WWOX: variants seen among roughly 807,000 people sequenced by gnomAD.
WWOX encodes the protein WW domain-containing oxidoreductase.
In WWOX, 69 loss-of-function variants were observed where a neutral mutation model predicts 46.2. The ratio of observed to expected loss-of-function variants is 1.49; its 90% CI spans 1.23 to 1.82. The LOEUF (loss-of-function observed/expected upper bound fraction) is 1.82. Ranked by LOEUF, WWOX falls within the 40% of genes most tolerant of loss-of-function variation. The probability of loss-of-function intolerance (pLI) is 0.00; values close to 1 mark genes in which losing one functional copy is unlikely to be tolerated. For missense variants in WWOX, 919 were observed against 542.6 expected, an observed-to-expected ratio of 1.69 and a Z score of -6.89; for synonymous variants, 359 against 202.6, an observed-to-expected ratio of 1.77 and a Z score of -6.56.
chr16:78,437,743 G>A (rs1178202572), intron 8 of WWOX, among the ~76,000 whole-genome samples: 1 of 152,168 alleles, frequency 6.6e-6, no homozygotes, highest in African/African-American at 2.4e-5. Flanking sequence ...ACTTCAAATA[G>A]CTGCTTCTAA....
chr16:78,898,861 A>AT (rs1057280360), intron 8 of WWOX: 5 of 152,016 alleles, frequency 3.3e-5, no homozygotes, highest in East Asian at 1.9e-4. Flanking sequence ...TACACATTTG[A>AT]TTTTTTTATG....
chr16:78,567,552 CAAAAAA>C (rs71272440), intron 8 of WWOX, among the ~76,000 whole-genome samples: 36 of 52,136 alleles, frequency 6.9e-4, no homozygotes, highest in African/African-American at 2.7e-3. Context: ...GACTCCGTCT[CAAAAAA>C]AAAAAAAAAA....
intron 5 of WWOX, among the ~76,000 whole-genome samples, chr16:78,351,489 G>A (rs1403062246): frequency 6.6e-6 from 1 of 152,168 alleles, no homozygotes; most frequent in African/African-American, 2.4e-5. Context: ...GTGGGGCAGA[G>A]GGGTGGTCTG....
intron 8 of WWOX, among the ~76,000 whole-genome samples, chr16:79,068,649 A>G (rs932911812): frequency 4.0e-5 from 6 of 151,202 alleles, no homozygotes; most frequent in African/African-American, 1.5e-4. Context: ...AACAACAACA[A>G]CAAAAAAAAA....
intron 8 of WWOX, among the ~76,000 whole-genome samples, chr16:79,025,645 T>C (rs114610387): frequency 0.012 from 1,758 of 152,212 alleles, 45 homozygotes; most frequent in African/African-American, 0.041. Context: ...ACTTCTGGCC[T>C]CCAGAATACT....
intron 8 of WWOX, among the ~76,000 whole-genome samples, chr16:78,606,641 G>A (rs988548968): frequency 1.3e-5 from 2 of 150,722 alleles, no homozygotes; most frequent in African/African-American, 2.4e-5. Context: ...ACACGAAGTT[G>A]AATATGTGAA....
intron 6 of WWOX, among the ~76,000 whole-genome samples, chr16:78,424,069 G>C (rs1274836099): frequency 7.7e-6 from 1 of 129,044 alleles, no homozygotes; most frequent in South Asian, 2.6e-4. Context: ...CAGTTGTTTT[G>C]TTTTTTCTTT....
intron 5 of WWOX, among the ~76,000 whole-genome samples, chr16:78,351,071 T>C (rs1010380817): frequency 6.6e-6 from 1 of 152,242 alleles, no homozygotes; most frequent in Non-Finnish European, 1.5e-5. Context: ...TCTCTTCATA[T>C]GATTATTGGA....
At chr16:78,465,623 G>A (rs1467885467) in intron 8 of WWOX, among the ~76,000 whole-genome samples, 1 of 152,198 alleles carries the variant, frequency 6.6e-6, no homozygotes, top group Non-Finnish European at 1.5e-5. Flanking sequence ...TCAGGAATGT[G>A]TTCATATTTT....
intron 8 of WWOX, among the ~76,000 whole-genome samples, chr16:78,595,082 T>G (rs1051275332): frequency 6.6e-6 from 1 of 152,154 alleles, no homozygotes; most frequent in Admixed American, 6.5e-5. Flanking sequence ...GAAGCTGCCA[T>G]GCGCATGAGG....
chr16:78,445,986 G>C (rs2083551926), intron 8 of WWOX, among the ~76,000 whole-genome samples: 1 of 152,206 alleles, frequency 6.6e-6, no homozygotes, highest in African/African-American at 2.4e-5. Flanking sequence ...GTGGAATTTG[G>C]CTGAAATAGT....
At chr16:78,710,273 C>A (rs879025864) in intron 8 of WWOX, among the ~76,000 whole-genome samples, 1 of 151,444 alleles carries the variant, frequency 6.6e-6, no homozygotes, top group Admixed American at 6.6e-5. Flanking sequence ...TTACTTTCCA[C>A]ACACAGTTAA....
intron 8 of WWOX, among the ~76,000 whole-genome samples, chr16:78,615,254 C>T (rs1340608903): frequency 6.6e-6 from 1 of 152,118 alleles, no homozygotes; most frequent in Non-Finnish European, 1.5e-5. Flanking sequence ...AATGGGAGAT[C>T]CTAAGTTTCA....
At chr16:78,659,186 G>C (rs557113902) in intron 8 of WWOX, among the ~76,000 whole-genome samples, 1 of 151,970 alleles carries the variant, frequency 6.6e-6, no homozygotes, top group Non-Finnish European at 1.5e-5. Flanking sequence ...GTATGAGCAC[G>C]TGGTATTCTT....
chr16:78,541,284 C>A (rs1396911962), intron 8 of WWOX, among the ~76,000 whole-genome samples: 2 of 151,290 alleles, frequency 1.3e-5, no homozygotes, highest in East Asian at 2.0e-4. Flanking sequence ...ACCATCCCGG[C>A]TAAAACGGTG....
At chr16:78,145,186 G>T (rs2034156068) in intron 4 of WWOX, among the ~76,000 whole-genome samples, 1 of 152,190 alleles carries the variant, frequency 6.6e-6, no homozygotes, top group South Asian at 2.1e-4. Flanking sequence ...TTGGCTTGTA[G>T]ATGAGTGTAT....
chr16:79,121,189 C>T (rs1226566948), intron 8 of WWOX, among the ~76,000 whole-genome samples: 1 of 152,178 alleles, frequency 6.6e-6, no homozygotes, highest in Non-Finnish European at 1.5e-5. Context: ...CAAATAGAGT[C>T]ACAGTTACAG....
chr16:78,562,715 C>T (rs2044468305), intron 8 of WWOX, among the ~76,000 whole-genome samples: 2 of 152,150 alleles, frequency 1.3e-5, no homozygotes, highest in Non-Finnish European at 2.9e-5. Flanking sequence ...CTGATCGCTC[C>T]CCTGAATGGA....
chr16:78,642,952 C>A (rs962966839), intron 8 of WWOX, among the ~76,000 whole-genome samples: 1 of 152,136 alleles, frequency 6.6e-6, no homozygotes, highest in African/African-American at 2.4e-5. Flanking sequence ...ATAATAAGAC[C>A]TGCTTCCCGG....
Sources: gnomAD v4.1 joint callset for allele counts (sites outside exome capture counted in the v4.1 genomes callset) on GRCh38, gnomAD v4.1.1 for gene constraint, MANE v1.5 for transcripts, NCBI Gene and HGNC (gene_info 2026-07-23, HGNC 2026-07-21) for gene names.